The following SLC43A2 variants were observed in gnomAD, a reference collection of about 807,000 sequenced individuals.
The protein encoded by SLC43A2 is solute carrier family 43 member 2.
In SLC43A2, 38 loss-of-function variants were observed where a neutral mutation model predicts 63.2. That is an observed-to-expected ratio of 0.60 (90% CI 0.46 to 0.79). The LOEUF (loss-of-function observed/expected upper bound fraction) is 0.79, where lower values mean the gene tolerates loss of function less well. Among genes scored for constraint, SLC43A2 ranks in the 30% least tolerant of loss-of-function variants. The pLI is 0.00. For missense variants in SLC43A2, 644 were observed against 756.2 expected, an observed-to-expected ratio of 0.85 and a Z score of 1.74; for synonymous variants, 322 against 331.0, an observed-to-expected ratio of 0.97 and a Z score of 0.30.
In SLC43A2 at chr17:1,577,115, C is replaced by T. The variant is rs112090875; in HGVS notation, c.1425-395G>A. Among the ~76,000 whole-genome samples, 2,881 of 152,262 alleles carry T rather than the reference C, an allele frequency of 0.019. 39 individuals carry two copies. Among genetic ancestry groups the T allele is most frequent in the South Asian group, 0.089 (428 of 4,834 alleles). On this transcript the variant is annotated intron_variant, in intron 12 of 13. Transcript: ENST00000301335. This position sits in a 1 kb window ranked among gnomAD's most constrained non-coding sequence, Gnocchi z 4.9. The stretch of plus-strand genomic sequence containing the variant: ...TCCTGACCTTGTGATCTGCCTGCCT[C>T]GGCCTCCCAAAGTTCTGGGATTACA...
At chr17:1,624,352 C>G (rs920772568) in intron 2 of SLC43A2, among the ~76,000 whole-genome samples, 28 of 152,040 alleles carry the variant, frequency 1.8e-4, no homozygotes, top group African/African-American at 6.5e-4. Flanking sequence ...GCTGGTGGAT[C>G]ACTTGAGCCC....
chr17:1,600,244 G>A (rs529838815), intron 5 of SLC43A2, among the ~76,000 whole-genome samples: 197 of 135,792 alleles, frequency 1.5e-3, no homozygotes, highest in African/African-American at 4.6e-3. Context: ...TCCACCTCCC[G>A]GGTCCAAGCA....
intron 2 of SLC43A2, among the ~76,000 whole-genome samples, chr17:1,627,250 C>T (rs1908738875): frequency 1.3e-5 from 2 of 152,178 alleles, no homozygotes; most frequent in Non-Finnish European, 2.9e-5. Context: ...TGAGGAACGT[C>T]TAGATTCTAG....
In SLC43A2 at chr17:1,627,909, G is replaced by A. The variant is rs1481017006; in HGVS notation, c.-35C>T. 6 of 1,519,854 alleles carry A rather than the reference G, an allele frequency of 3.9e-6. No homozygotes were observed. In the African/African-American group the frequency reaches 5.6e-5, roughly 14 times the overall value. The allele number at this position is 1,519,854 out of a possible 1,614,324, so 94.1% of individuals were successfully genotyped here. On this transcript the variant is annotated 5_prime_UTR_variant, in exon 2 of 14. Transcript: ENST00000301335. ...CGGCGCGGCTCCGGCTCCGGCTCCG[G>A]CTCTGCACCACCTGCGCACAGAACT... is the stretch of plus-strand genomic sequence containing the variant.
intron 2 of SLC43A2, among the ~76,000 whole-genome samples, chr17:1,620,119 C>T (rs1170620683): frequency 6.6e-6 from 1 of 152,190 alleles, no homozygotes; most frequent in Non-Finnish European, 1.5e-5. Context: ...AATCCCAGCA[C>T]TTTGGGAGGC....
At chr17:1,579,934 T>C (rs1325702766) in intron 11 of SLC43A2, among the ~76,000 whole-genome samples, 6 of 151,200 alleles carry the variant, frequency 4.0e-5, no homozygotes, top group Non-Finnish European at 7.4e-5. Context: ...CATCAGGCTT[T>C]CCTTTTTTTT....
intron 2 of SLC43A2, among the ~76,000 whole-genome samples, chr17:1,622,503 T>TCAC (rs1908257002): frequency 6.6e-6 from 1 of 150,988 alleles, no homozygotes; most frequent in Non-Finnish European, 1.5e-5. Context: ...AGGCGGAGGT[T>TCAC]GCGGTGAGCC....
chr17:1,595,553 C>G (rs1459890829), intron 5 of SLC43A2, among the ~76,000 whole-genome samples: 1 of 152,042 alleles, frequency 6.6e-6, no homozygotes, highest in African/African-American at 2.4e-5. Context: ...TCAAGCGAGT[C>G]TCCTGCCTCA....
Position 1,583,418 on chromosome 17 carries a change from C to A in SLC43A2, c.1218-82G>T. 1 of 1,582,124 alleles carries A rather than the reference C, an allele frequency of 6.3e-7. No homozygotes were observed. Among genetic ancestry groups the A allele is most frequent in the Admixed American group, 1.7e-5 (1 of 57,902 alleles). ...TCCTGAGAAGTCAGGCCTCAAGCGT[C>A]GCAGCAGGTAAACTGACGCAAGACT... is the stretch of plus-strand genomic sequence containing the variant. On this transcript the variant is annotated intron_variant, in intron 10 of 13. Coordinates refer to ENST00000301335, the MANE Select transcript of SLC43A2 (RefSeq NM_152346.3). This position sits in a 1 kb window ranked among gnomAD's most constrained non-coding sequence, Gnocchi z 5.5.
intron 2 of SLC43A2, 34 bp downstream of exon 2, chr17:1,627,681 A>G: frequency 2.7e-6 from 2 of 746,284 alleles, no homozygotes; most frequent in Non-Finnish European, 3.4e-6. Flanking sequence ...CCCCAGCTCC[A>G]GGAGCCCCCC....
At chr17:1,596,778 G>A (rs1311202657) in intron 5 of SLC43A2, among the ~76,000 whole-genome samples, 1 of 151,978 alleles carries the variant, frequency 6.6e-6, no homozygotes, top group African/African-American at 2.4e-5. Flanking sequence ...TTTTAAATGG[G>A]CAAAGGATCT....
intron 9 of SLC43A2, chr17:1,586,928 T>TTCCCCCC: frequency 1.6e-6 from 2 of 1,232,912 alleles, no homozygotes. Flanking sequence ...TCCCTGACAA[T>TTCCCCCC]CCCCCCCACC....
intron 5 of SLC43A2, among the ~76,000 whole-genome samples, chr17:1,594,604 T>C (rs76515566): frequency 2.7e-5 from 4 of 146,364 alleles, no homozygotes; most frequent in East Asian, 4.1e-4. Context: ...TTTTTTTTTT[T>C]TGAGACGGAG....
chr17:1,583,192 C>T lies in SLC43A2; in HGVS notation c.1350+12G>A, dbSNP rs1280131360. ...CCACCTCCCACCTGCCCCTCCCACT[C>T]CCCACACCCACCTGGAGAGGCAGGT... is the stretch of plus-strand genomic sequence containing the variant. On this transcript the variant is annotated intron_variant, in intron 11 of 13. Transcript: ENST00000301335. The surrounding 1 kb of genome is among the most constrained non-coding windows in gnomAD (Gnocchi z 5.5). The T allele has an allele frequency of 6.2e-7, 1 of 1,613,454 alleles. No homozygotes were observed. Among genetic ancestry groups the T allele is most frequent in the African/African-American group, 1.3e-5 (1 of 74,934 alleles).
chr17:1,581,418 C>T (rs1256336208), intron 11 of SLC43A2, among the ~76,000 whole-genome samples: 1 of 152,230 alleles, frequency 6.6e-6, no homozygotes, highest in Non-Finnish European at 1.5e-5. Context: ...CGGAGGGATG[C>T]AGCACCCCCT....
Position 1,604,317 on chromosome 17 carries a change from G to T in SLC43A2, c.501+8878C>A, listed in dbSNP as rs201840772. 36 of 156,258 alleles carry T rather than the reference G, an allele frequency of 2.3e-4. No homozygotes were observed. In the East Asian group the frequency reaches 6.0e-3, roughly 26 times the overall value. The allele number at this position is 156,258 out of a possible 1,614,324, so 9.7% of individuals were successfully genotyped here. A position where few individuals can be genotyped will look rare whatever the true frequency, so the allele number is the denominator to read the frequency against. ...GATCCATCCGCCTCGGCCTCCCAAA[G>T]TGCTGGGATGACAGGCGTGAGCCAC... is the stretch of plus-strand genomic sequence containing the variant. On this transcript the variant is annotated intron_variant, in intron 5 of 13. Coordinates refer to ENST00000301335, the MANE Select transcript of SLC43A2 (RefSeq NM_152346.3).
In SLC43A2 at chr17:1,605,957, G is replaced by A. The variant is rs947327365; in HGVS notation, c.501+7238C>T. Among the ~76,000 whole-genome samples, 1 of 152,178 alleles carries A rather than the reference G, an allele frequency of 6.6e-6. No homozygotes were observed. Among genetic ancestry groups the A allele is most frequent in the African/African-American group, 2.4e-5 (1 of 41,444 alleles). ...CCGCTGCCCTTTCCGTCTGAACGTG[G>A]TCACATACTGCAGCAAATTCATGAG... On this transcript the variant is annotated intron_variant, in intron 5 of 13. Coordinates refer to ENST00000301335, the MANE Select transcript of SLC43A2 (RefSeq NM_152346.3). The surrounding 1 kb of genome is among the most constrained non-coding windows in gnomAD (Gnocchi z 4.9).
Position 1,583,639 on chromosome 17 carries a change from C to G in SLC43A2, c.1218-303G>C. The G allele has an allele frequency of 3.2e-6, 1 of 311,046 alleles. No individual in the cohort carries two copies. The highest frequency in any genetic ancestry group is 5.5e-5 in the East Asian group (1 of 18,074). The allele number at this position is 311,046 out of a possible 1,614,324, so 19.3% of individuals were successfully genotyped here. A position where few individuals can be genotyped will look rare whatever the true frequency, so the allele number is the denominator to read the frequency against. The stretch of plus-strand genomic sequence containing the variant: ...ACGGGGAGAGAAGTAGCAGCGTGTG[C>G]CTGAGCTGGCACATGGCAAAGCCTC... On this transcript the variant is annotated intron_variant, in intron 10 of 13. Transcript: ENST00000301335. This position sits in a 1 kb window ranked among gnomAD's most constrained non-coding sequence, Gnocchi z 5.5.
rs12939034 is a variant in SLC43A2, at chr17:1,594,810, G to A, written c.502-1531C>T. Among the ~76,000 whole-genome samples, 214 of 151,238 alleles carry A rather than the reference G, an allele frequency of 1.4e-3. 2 individuals carry two copies. Among genetic ancestry groups the A allele is most frequent in the Middle Eastern group, 6.8e-3 (2 of 294 alleles). ...TCACCACGTTAGCCAGGATGGTCTG[G>A]ATCTCCTGACCTCGTGATCCGCCCG... On this transcript the variant is annotated intron_variant, in intron 5 of 13. Coordinates refer to ENST00000301335, the MANE Select transcript of SLC43A2 (RefSeq NM_152346.3).
Sources: gnomAD v4.1 joint callset for allele counts (sites outside exome capture counted in the v4.1 genomes callset) on GRCh38, gnomAD v4.1.1 for gene constraint, Gnocchi (gnomAD v3.1) non-coding constraint, MANE v1.5 for transcripts, NCBI Gene and HGNC (gene_info 2026-07-23, HGNC 2026-07-21) for gene names.